HTR3B: variants seen among roughly 807,000 people sequenced by gnomAD.
HTR3B encodes 5-hydroxytryptamine (serotonin) receptor 3B, ionotropic.
HTR3B carries 44 observed loss-of-function variants against 42.8 expected under a neutral mutation model. The observed-to-expected ratio is 1.03, with a 90% confidence interval of 0.81 to 1.32. HTR3B has a LOEUF of 1.32. Ranked by LOEUF, HTR3B falls within the 40% of genes most tolerant of loss-of-function variation. The pLI is 0.00. For missense variants in HTR3B, 527 were observed against 536.5 expected (o/e 0.98, Z 0.17); for synonymous variants, 203 against 209.0 (o/e 0.97, Z 0.25).
chr11:113,930,748 CA>C (rs368315957), intron 2 of HTR3B, among the ~76,000 whole-genome samples: 17 of 152,182 alleles, frequency 1.1e-4, no homozygotes, highest in Non-Finnish European at 1.9e-4. Context: ...TCTTGGCCTC[CA>C]AAAATGTGGA....
At chr11:113,936,304 G>A (rs1219537403) in intron 6 of HTR3B, among the ~76,000 whole-genome samples, 1 of 152,140 alleles carries the variant, frequency 6.6e-6, no homozygotes, top group African/African-American at 2.4e-5. Flanking sequence ...ACTAAACCGA[G>A]CCCAACCACA....
At chr11:113,934,370 A>G (rs1436907355) in intron 6 of HTR3B, among the ~76,000 whole-genome samples, 3 of 151,554 alleles carry the variant, frequency 2.0e-5, no homozygotes, top group Non-Finnish European at 2.9e-5. Flanking sequence ...AAAGAAAGGA[A>G]GGAAGGAAGG....
Position 113,933,112 on chromosome 11 carries a change from G to T in HTR3B, c.696+19G>T. 6.2e-7 allele frequency: 1 copy of T among 1,605,572 alleles called. No individual in the cohort carries two copies. Among genetic ancestry groups the T allele is most frequent in the Non-Finnish European group, 8.5e-7 (1 of 1,174,552 alleles). On this transcript the variant is annotated intron_variant, in intron 6 of 8. Coordinates refer to ENST00000260191, the MANE Select transcript of HTR3B (RefSeq NM_006028.5). Reference sequence around the variant, plus strand: ...GTTTAATGTAGGTTCTTTACTACCTGTCCCCGTTGCCCGCTTCTCCCCAGC... The same window carrying T: ...GTTTAATGTAGGTTCTTTACTACCTTTCCCCGTTGCCCGCTTCTCCCCAGC...
upstream of HTR3B, among the ~76,000 whole-genome samples, chr11:113,904,130 A>T (rs1161860957): frequency 6.6e-6 from 1 of 152,208 alleles, no homozygotes; most frequent in East Asian, 1.9e-4. Context: ...GTGTTATTGT[A>T]TAGAATTATG....
intron 2 of HTR3B, among the ~76,000 whole-genome samples, chr11:113,912,529 C>CCGGAA (rs1949807013): frequency 1.3e-5 from 2 of 152,238 alleles, no homozygotes; most frequent in Non-Finnish European, 2.9e-5. Flanking sequence ...AGGCGTGAGC[C>CCGGAA]ACCGTGCCCG....
intron 2 of HTR3B, among the ~76,000 whole-genome samples, chr11:113,916,270 T>C (rs551268177): frequency 6.6e-6 from 1 of 152,362 alleles, no homozygotes; most frequent in East Asian, 1.9e-4. Context: ...CAACTGTATA[T>C]CTTCTTTGGT....
At position 113,943,666 on chromosome 11, in the gene HTR3B, C is replaced by A. The variant is rs1005464715; in HGVS notation, c.907+474C>A. Among the ~76,000 whole-genome samples, 8 of 151,944 alleles carry A rather than the reference C, an allele frequency of 5.3e-5. No individual in the cohort carries two copies. In the East Asian group the frequency reaches 1.4e-3, roughly 26 times the overall value. On this transcript the variant is annotated intron_variant, in intron 7 of 8. Transcript: ENST00000260191. The stretch of plus-strand genomic sequence containing the variant: ...GTTTGTTTTTATCCCCAATTTCAAC[C>A]AATTACCCAAAGTGACTGAGCCATT...
chr11:113,940,478 C>A (rs1246823495), intron 6 of HTR3B, among the ~76,000 whole-genome samples: 1 of 152,230 alleles, frequency 6.6e-6, no homozygotes, highest in Non-Finnish European at 1.5e-5. Flanking sequence ...TGCATGATGA[C>A]AGGAGCTAGA....
In HTR3B at chr11:113,924,747, G is replaced by A. The variant is rs188327421; in HGVS notation, c.214-6637G>A. ...CAGTCTTGTCTGGGAGTCCCCTGTG[G>A]TCCATCTGCTCCAAGTTGTTCCTTG... On this transcript the variant is annotated intron_variant, in intron 2 of 8. Transcript: ENST00000260191. Among the ~76,000 whole-genome samples, 4 of 151,818 alleles carry A rather than the reference G, an allele frequency of 2.6e-5. No individual in the cohort carries two copies. In the East Asian group the frequency reaches 7.7e-4, roughly 29 times the overall value.
At chr11:113,934,237 A>C (rs1950066636) in intron 6 of HTR3B, among the ~76,000 whole-genome samples, 1 of 151,860 alleles carries the variant, frequency 6.6e-6, no homozygotes, top group African/African-American at 2.4e-5. Flanking sequence ...AAATACAAAA[A>C]CTTGCTGGGT....
rs1299902785 is a variant in HTR3B at position 113,933,035 on chromosome 11, C to T, written c.638C>T (p.Ser213Phe). Residue 213 changes from serine to phenylalanine, a missense_variant, in exon 6 of 9, where the codon TCC becomes TTC. Transcript: ENST00000260191. ...AGTGAGTGGGAACTTCTATCTGTGT[C>T]CTCCACATACAGCATCCTGCAGAGC... ...NDSEWELLSV[S>F]STYSILQSSA... 2 of 1,614,100 alleles carry T rather than the reference C, an allele frequency of 1.2e-6. No homozygotes were observed. The highest frequency in any genetic ancestry group is 1.3e-5 in the African/African-American group (1 of 75,030).
chr11:113,943,204 CG>C lies in HTR3B; in HGVS notation c.907+16del, dbSNP rs767225320. 1 of 1,601,298 alleles carries C rather than the reference CG, an allele frequency of 6.2e-7. No individual in the cohort carries two copies. Among genetic ancestry groups the C allele is most frequent in the Middle Eastern group, 1.8e-4 (1 of 5,604 alleles). ...CACCCCTCTGATTGGTAAGCAGCCTCGGGGTCACTGGACACTCATCTTACAT... is the reference window on the plus strand; with the variant it reads ...CACCCCTCTGATTGGTAAGCAGCCTCGGGTCACTGGACACTCATCTTACAT... On this transcript the variant is annotated intron_variant, in intron 7 of 8. Transcript: ENST00000260191.
At position 113,945,971 on chromosome 11, in the gene HTR3B, C is replaced by G; in HGVS notation, c.1160C>G (p.Ser387Cys). The change falls in exon 9 of 9, where the codon TCT (serine) becomes TGT (cysteine). Residue 387 changes from serine to cysteine, a missense_variant. Coordinates refer to ENST00000260191, the MANE Select transcript of HTR3B (RefSeq NM_006028.5). ...TLKEVWSQLQ[S>C]ISNYLQTQDQ... Reference sequence around the variant, plus strand: ...AAGGAAGTCTGGTCGCAGCTTCAATCTATCAGCAACTACCTCCAAACTCAG... The same window carrying G: ...AAGGAAGTCTGGTCGCAGCTTCAATGTATCAGCAACTACCTCCAAACTCAG... 2 of 1,614,190 alleles carry G rather than the reference C, an allele frequency of 1.2e-6. No individual in the cohort carries two copies.
chr11:113,920,352 A>C (rs1282305853), intron 2 of HTR3B, among the ~76,000 whole-genome samples: 1 of 147,404 alleles, frequency 6.8e-6, no homozygotes, highest in African/African-American at 2.5e-5. Flanking sequence ...TTAAACAACA[A>C]ATTGTACTTT....
intron 2 of HTR3B, among the ~76,000 whole-genome samples, chr11:113,913,883 A>G (rs1949824860): frequency 6.6e-6 from 1 of 152,054 alleles, no homozygotes; most frequent in Non-Finnish European, 1.5e-5. Context: ...GGTAATTAGG[A>G]TGGTGGCTAT....
At chr11:113,904,690 G>T, upstream of HTR3B, 1 of 464,368 alleles carries the variant, frequency 2.2e-6, no homozygotes, top group Non-Finnish European at 3.9e-6. Flanking sequence ...GTCTGATCTT[G>T]GGGCAGAACC....
intron 2 of HTR3B, 31 bp from the exon 3 acceptor site, chr11:113,931,353 A>G (rs1392608719): frequency 6.4e-7 from 1 of 1,560,150 alleles, no homozygotes; most frequent in Admixed American, 1.8e-5. Context: ...ACATTCTAAG[A>G]TTTGGAGTGG....
At position 113,904,902 on chromosome 11, in the gene HTR3B, T is replaced by A; in HGVS notation, c.-32T>A. ...GCGGCATTCCATCTGGTAGGCAAGT[T>A]TGCATTTCTCCTTTTTGGGATCTGC... On this transcript the variant is annotated 5_prime_UTR_variant, in exon 1 of 9. In the 5' UTR this introduces an upstream ATG that the reference lacks. Transcript: ENST00000260191. 6 of 1,595,828 alleles carry A rather than the reference T, an allele frequency of 3.8e-6. No individual in the cohort carries two copies. Among genetic ancestry groups the A allele is most frequent in the Non-Finnish European group, 5.2e-6 (6 of 1,163,530 alleles).
upstream of HTR3B, among the ~76,000 whole-genome samples, chr11:113,902,477 A>C (rs1949702736): frequency 6.6e-6 from 1 of 151,948 alleles, no homozygotes; most frequent in Non-Finnish European, 1.5e-5. Context: ...TTGTATTTTT[A>C]GTAGAGACAG....
Sources: gnomAD v4.1 joint callset for allele counts (sites outside exome capture counted in the v4.1 genomes callset) on GRCh38, gnomAD v4.1.1 for gene constraint, MANE v1.5 for transcripts, NCBI Gene and HGNC (gene_info 2026-07-23, HGNC 2026-07-21) for gene names.